The following ABCC12 variants were observed in gnomAD, a reference collection of about 807,000 sequenced individuals.
ABCC12 encodes ATP-binding cassette sub-family C member 12.
Under a neutral mutation model 151.1 loss-of-function variants are expected in ABCC12, and 142 were observed. That is an observed-to-expected ratio of 0.94 (90% CI 0.82 to 1.08). The LOEUF (loss-of-function observed/expected upper bound fraction) is 1.08. ABCC12 is among the 50% of genes least tolerant of loss of function. ABCC12 has a pLI of 0.00. For synonymous variants in ABCC12, 645 were observed against 646.4 expected (o/e 1.00, Z 0.03); for missense variants, 1,638 against 1,691.1 (o/e 0.97, Z 0.55).
chr16:48,096,278 G>C (rs1386280533), intron 24 of ABCC12, among the ~76,000 whole-genome samples: 1 of 152,212 alleles, frequency 6.6e-6, no homozygotes, highest in Non-Finnish European at 1.5e-5. Flanking sequence ...AGTTGGAAAT[G>C]GGTGTAACTC....
Position 48,140,774 on chromosome 16 carries a change from C to A in ABCC12, c.570G>T (p.Thr190=), listed in dbSNP as rs1338044933. The A allele has an allele frequency of 6.2e-7, 1 of 1,614,118 alleles. No individual in the cohort carries two copies. Among genetic ancestry groups the A allele is most frequent in the African/African-American group, 1.3e-5 (1 of 75,002 alleles). The change falls in exon 6 of 31, where the codon ACG becomes ACT. Residue 190 remains threonine, a synonymous_variant. Transcript: ENST00000311303. ...AGAGCGCCACCTTCAACCGGATGGC[C>A]GTGCGGTAGTTGATGGCCCAGGCAA... ...WALAWAINYR[T]AIRLKVALST...
chr16:48,124,865 G>A (rs1466270232), intron 11 of ABCC12, among the ~76,000 whole-genome samples: 1 of 152,192 alleles, frequency 6.6e-6, no homozygotes, highest in Non-Finnish European at 1.5e-5. Context: ...AACAGGCAAT[G>A]GCCTGAGTCT....
intron 15 of ABCC12, among the ~76,000 whole-genome samples, chr16:48,112,749 T>C (rs1963740868): frequency 6.6e-6 from 1 of 152,060 alleles, no homozygotes; most frequent in African/African-American, 2.4e-5. Flanking sequence ...ATCATCCCCA[T>C]TTAGCCCAGG....
At chr16:48,103,855 C>T (rs999917246) in intron 22 of ABCC12, among the ~76,000 whole-genome samples, 1 of 152,320 alleles carries the variant, frequency 6.6e-6, no homozygotes, top group Non-Finnish European at 1.5e-5. Flanking sequence ...AGAGCAGCAA[C>T]GGTAGAGCCC....
intron 3 of ABCC12, among the ~76,000 whole-genome samples, chr16:48,146,099 C>G (rs1457179053): frequency 1.3e-5 from 2 of 152,194 alleles, no homozygotes; most frequent in Admixed American, 6.5e-5. Flanking sequence ...TCTCCTTAAA[C>G]CTGAGCTACT....
At chr16:48,086,528 A>C (rs910322060) in intron 28 of ABCC12, 4 of 539,630 alleles carry the variant, frequency 7.4e-6, no homozygotes, top group Non-Finnish European at 1.0e-5. Context: ...GAGATGATAC[A>C]TGTAGTGCTC....
chr16:48,107,569 T>C (rs1465604880), intron 19 of ABCC12, 144 bp from the exon 20 acceptor site: 2 of 663,808 alleles, frequency 3.0e-6, no homozygotes, highest in Non-Finnish European at 5.4e-6. Flanking sequence ...GCTAGACTGA[T>C]GCAGCACATC....
At chr16:48,105,708 G>A (rs1963469956) in intron 20 of ABCC12, among the ~76,000 whole-genome samples, 1 of 152,204 alleles carries the variant, frequency 6.6e-6, no homozygotes, top group Non-Finnish European at 1.5e-5. Context: ...CACCAGGCTG[G>A]AGGAGTAACC....
chr16:48,118,828 T>C (rs1275260343), intron 13 of ABCC12, among the ~76,000 whole-genome samples: 1 of 152,246 alleles, frequency 6.6e-6, no homozygotes, highest in Non-Finnish European at 1.5e-5. Context: ...CTGGGCGACC[T>C]TGGACAAGTG....
rs199827231 is a variant in ABCC12 at position 48,140,753 on chromosome 16, C to A, written c.591G>T (p.Ala197=). 65 of 1,614,168 alleles carry A rather than the reference C, an allele frequency of 4.0e-5. 1 individual carries two copies. The highest frequency in any genetic ancestry group is 8.3e-5 in the Admixed American group (5 of 60,020). Residue 197 remains alanine, a synonymous_variant, in exon 6 of 31, where the codon GCG becomes GCT. Coordinates refer to ENST00000311303, the MANE Select transcript of ABCC12 (RefSeq NM_001393797.1). ...NYRTAIRLKV[A]LSTLVFENLV... ...GGTTTTCAAAAACCAAGGTGGAGAGCGCCACCTTCAACCGGATGGCCGTGC... is the reference window on the plus strand; with the variant it reads ...GGTTTTCAAAAACCAAGGTGGAGAGAGCCACCTTCAACCGGATGGCCGTGC...
At chr16:48,115,683 C>A in intron 14 of ABCC12, 65 bp from the exon 15 acceptor site, 1 of 1,478,502 alleles carries the variant, frequency 6.8e-7, no homozygotes, top group Non-Finnish European at 9.1e-7. Context: ...GCAATGGAAG[C>A]TTCCTGGAGC....
At chr16:48,112,016 T>G in intron 15 of ABCC12, 106 bp from the exon 16 acceptor site, 1 of 1,409,446 alleles carries the variant, frequency 7.1e-7, no homozygotes, top group Non-Finnish European at 9.6e-7. Flanking sequence ...GGCCAGATCA[T>G]TCTTTGTTTG....
intron 15 of ABCC12, among the ~76,000 whole-genome samples, chr16:48,112,354 G>A (rs1963726113): frequency 6.6e-6 from 1 of 152,182 alleles, no homozygotes; most frequent in South Asian, 2.1e-4. Context: ...CCGGCACTTT[G>A]GGAGGCTGAA....
rs2150575444 is a variant in ABCC12 at position 48,083,456 on chromosome 16, T to C, written c.*259A>G. On this transcript the variant is annotated 3_prime_UTR_variant, in exon 31 of 31. Coordinates refer to ENST00000311303, the MANE Select transcript of ABCC12 (RefSeq NM_001393797.1). Reference sequence around the variant, plus strand: ...AAAACACATGAGGAACCCTTGGGGATTTGGGAGGTGAAGGGCAGTTTTTTA... The same window carrying C: ...AAAACACATGAGGAACCCTTGGGGACTTGGGAGGTGAAGGGCAGTTTTTTA... 2.3e-6 allele frequency: 1 copy of C among 441,502 alleles called. No homozygotes were observed. Among genetic ancestry groups the C allele is most frequent in the Non-Finnish European group, 4.0e-6 (1 of 252,456 alleles). The allele number at this position is 441,502 out of a possible 1,614,324, so 27.3% of individuals were successfully genotyped here. A position where few individuals can be genotyped will look rare whatever the true frequency, so the allele number is the denominator to read the frequency against.
Position 48,139,151 on chromosome 16 carries a change from G to C in ABCC12, c.831+12C>G. On this transcript the variant is annotated intron_variant, in intron 7 of 30. Transcript: ENST00000311303. ...ATACAAAGCAGTTAGAAGCGCAAAA[G>C]CCTGCCGTTACCTGGACGGGTATGA... 4 of 1,575,722 alleles carry C rather than the reference G, an allele frequency of 2.5e-6. No homozygotes were observed. The highest frequency in any genetic ancestry group is 3.4e-6 in the Non-Finnish European group (4 of 1,163,436).
chr16:48,085,899 A>C (rs1410150617), intron 28 of ABCC12, among the ~76,000 whole-genome samples, 193 bp from the exon 29 acceptor site: 1 of 152,198 alleles, frequency 6.6e-6, no homozygotes, highest in East Asian at 1.9e-4. Flanking sequence ...GACGGACATT[A>C]ATAATTTAAA....
chr16:48,147,657 G>A (rs1283762121), intron 2 of ABCC12, among the ~76,000 whole-genome samples: 2 of 152,148 alleles, frequency 1.3e-5, no homozygotes, highest in African/African-American at 4.8e-5. Flanking sequence ...AGAATGAGTA[G>A]CATCTATCTC....
chr16:48,144,436 C>A (rs61380353), intron 3 of ABCC12, among the ~76,000 whole-genome samples: 2,713 of 151,808 alleles, frequency 0.018, 73 homozygotes, highest in African/African-American at 0.063. Context: ...CCCTCCCATT[C>A]CTCCTTCTCT....
At chr16:48,126,983 G>A (rs991642153) in intron 11 of ABCC12, among the ~76,000 whole-genome samples, 3 of 152,158 alleles carry the variant, frequency 2.0e-5, no homozygotes, top group African/African-American at 7.2e-5. Context: ...AGGGCGGGGG[G>A]AAGTCAGGTG....
Sources: allele counts gnomAD v4.1 joint callset (sites outside exome capture counted in the v4.1 genomes callset), GRCh38; gene constraint gnomAD v4.1.1; transcripts MANE v1.5; gene names NCBI Gene and HGNC (gene_info 2026-07-23, HGNC 2026-07-21).